Variants in THSD4 observed in about 807,000 individuals in gnomAD.
The protein encoded by THSD4 is thrombospondin type-1 domain-containing protein 4.
Under a neutral mutation model 119.0 loss-of-function variants are expected in THSD4, and 69 were observed. The ratio of observed to expected loss-of-function variants is 0.58; its 90% confidence interval spans 0.48 to 0.71. The LOEUF (loss-of-function observed/expected upper bound fraction) is 0.71. THSD4 is among the 30% of genes least tolerant of loss of function. The pLI is 0.00. For missense variants in THSD4, 1,393 were observed against 1,391.1 expected (o/e 1.00, Z -0.02); for synonymous variants, 524 against 540.4 (o/e 0.97, Z 0.42).
chr15:71,334,231 T>C (rs1048861278), intron 6 of THSD4, among the ~76,000 whole-genome samples: 9 of 152,216 alleles, frequency 5.9e-5, no homozygotes, highest in Non-Finnish European at 1.0e-4. Flanking sequence ...TTTTTGTGGA[T>C]CATTTTTCTT....
intron 6 of THSD4, among the ~76,000 whole-genome samples, chr15:71,366,259 AC>A (rs1358267115): frequency 6.6e-6 from 1 of 152,038 alleles, no homozygotes; most frequent in Non-Finnish European, 1.5e-5. Flanking sequence ...TATTTTTAGT[AC>A]AGACGGGGTT....
intron 7 of THSD4, among the ~76,000 whole-genome samples, chr15:71,442,640 GTA>G (rs1244057874): frequency 1.8e-4 from 2 of 10,818 alleles, no homozygotes; most frequent in Non-Finnish European, 2.3e-4. Context: ...GTATGTGTGT[GTA>G]TATGTGTGTG....
chr15:71,726,576 G>A (rs938871738), intron 8 of THSD4, among the ~76,000 whole-genome samples: 1 of 152,082 alleles, frequency 6.6e-6, no homozygotes, highest in South Asian at 2.1e-4. Context: ...TTAAATTTAG[G>A]AATTCTATAA....
chr15:71,303,244 C>T lies in THSD4; in HGVS notation c.1015+46529C>T, dbSNP rs960357266. 2.0e-5 allele frequency among the ~76,000 whole-genome samples: 3 copies of T among 152,214 alleles called. No individual in the cohort carries two copies. In the East Asian group the frequency reaches 5.8e-4, roughly 29 times the overall value. On this transcript the variant is annotated intron_variant, in intron 6 of 17. Transcript: ENST00000261862. ...GGCATCACTAGCTCTGGGCGCCGCG[C>T]ATTTGCCTGCTTCATCCAGGACAGT...
At chr15:71,426,082 C>T (rs1214987185) in intron 7 of THSD4, among the ~76,000 whole-genome samples, 2 of 152,162 alleles carry the variant, frequency 1.3e-5, no homozygotes, top group African/African-American at 4.8e-5. Flanking sequence ...TCCCGAACTC[C>T]TCCCTTATAT....
chr15:71,147,844 C>A (rs944270709), intron 2 of THSD4: 2 of 152,012 alleles, frequency 1.3e-5, no homozygotes, highest in Non-Finnish European at 2.9e-5. Context: ...GTTGCATACA[C>A]CTGTGGTCCC....
At chr15:71,486,822 C>T (rs1270319448) in intron 7 of THSD4, among the ~76,000 whole-genome samples, 1 of 152,066 alleles carries the variant, frequency 6.6e-6, no homozygotes. Flanking sequence ...GGGTCCTTTT[C>T]CTGGAGCTAA....
At chr15:71,547,515 A>AT (rs756200517) in intron 7 of THSD4, 98 of 1,547,002 alleles carry the variant, frequency 6.3e-5, no homozygotes, top group Middle Eastern at 5.6e-4. Flanking sequence ...CAGAAGTTGT[A>AT]TTTTTTTTCA....
chr15:71,293,965 C>G (rs534437273), intron 6 of THSD4, among the ~76,000 whole-genome samples: 5 of 151,990 alleles, frequency 3.3e-5, no homozygotes, highest in African/African-American at 1.2e-4. Flanking sequence ...TGGGGCAGGG[C>G]ACTTGCAGTA....
chr15:71,713,077 C>T (rs192663530), intron 8 of THSD4, among the ~76,000 whole-genome samples: 22 of 152,224 alleles, frequency 1.4e-4, no homozygotes, highest in Admixed American at 1.4e-3. Context: ...CCAGGCTCCT[C>T]AAGCCAAGGA....
intron 3 of THSD4, among the ~76,000 whole-genome samples, chr15:71,192,104 A>G (rs1198574380): frequency 6.6e-6 from 1 of 151,854 alleles, no homozygotes; most frequent in Non-Finnish European, 1.5e-5. Context: ...GGGTTTCACC[A>G]TGTTGGACAG....
Position 71,227,211 on chromosome 15 carries a change from A to T in THSD4, c.464+11812A>T, listed in dbSNP as rs114215817. On this transcript the variant is annotated intron_variant, in intron 4 of 17. Transcript: ENST00000261862. ...CCTTGTTCATTTCTTGCGGTATTTC[A>T]TTAAGTGTCAGAAGTATTTCATTAG... 6.2e-3 allele frequency among the ~76,000 whole-genome samples: 950 copies of T among 152,330 alleles called. 13 individuals are homozygous for T. The highest frequency in any genetic ancestry group is 0.022 in the African/African-American group (900 of 41,578).
chr15:71,124,148 G>A (rs948907839), intron 1 of THSD4, among the ~76,000 whole-genome samples: 38 of 152,084 alleles, frequency 2.5e-4, no homozygotes, highest in South Asian at 6.2e-4. Flanking sequence ...ATATTTTCTT[G>A]GAAAGGGCCA....
chr15:71,698,085 C>T (rs1347113534), intron 8 of THSD4, among the ~76,000 whole-genome samples: 1 of 152,114 alleles, frequency 6.6e-6, no homozygotes. Flanking sequence ...GGGACCGCCC[C>T]AGGACCTGGG....
chr15:71,453,420 G>C (rs1322248935), intron 7 of THSD4, among the ~76,000 whole-genome samples: 1 of 152,144 alleles, frequency 6.6e-6, no homozygotes, highest in Non-Finnish European at 1.5e-5. Context: ...CATCTCCTTT[G>C]TCCTTGGATG....
At chr15:71,613,512 A>T (rs2050267448) in intron 7 of THSD4, among the ~76,000 whole-genome samples, 2 of 152,226 alleles carry the variant, frequency 1.3e-5, no homozygotes. Flanking sequence ...CAGAAGATAC[A>T]TATGGAGCCA....
chr15:71,767,028 C>A (rs2053727448), intron 16 of THSD4: 1 of 152,110 alleles, frequency 6.6e-6, no homozygotes, highest in Non-Finnish European at 1.5e-5. Context: ...AATTTTTTGT[C>A]TGCAATGAAA....
intron 6 of THSD4, among the ~76,000 whole-genome samples, chr15:71,401,032 G>A (rs1462107569): frequency 6.6e-6 from 1 of 152,144 alleles, no homozygotes; most frequent in Non-Finnish European, 1.5e-5. Flanking sequence ...GTGGGAGAAT[G>A]TGCAATTGTG....
At chr15:71,414,285 T>C (rs34719283) in intron 7 of THSD4, among the ~76,000 whole-genome samples, 42,317 of 152,210 alleles carry the variant, frequency 0.28, 7,369 homozygotes, top group Middle Eastern at 0.41. Context: ...TACCTACATA[T>C]ATACCATTGT....
Sources: allele counts gnomAD v4.1 joint callset (sites outside exome capture counted in the v4.1 genomes callset), GRCh38; gene constraint gnomAD v4.1.1; transcripts MANE v1.5; gene names NCBI Gene and HGNC (gene_info 2026-07-23, HGNC 2026-07-21).